Variants in FAM20C observed in about 807,000 individuals in gnomAD.
The protein encoded by FAM20C is FAM20C golgi associated secretory pathway kinase, also known as extracellular serine/threonine protein kinase FAM20C.
FAM20C carries 40 observed loss-of-function variants against 51.5 expected under a neutral mutation model. The observed-to-expected ratio is 0.78, with a 90% CI of 0.60 to 1.01. FAM20C has a LOEUF of 1.01. Ranked by LOEUF, FAM20C falls within the 50% of genes least tolerant of loss-of-function variation. The pLI is 0.00. For synonymous variants in FAM20C, 406 were observed against 380.6 expected (o/e 1.07, Z -0.78); for missense variants, 861 against 844.7 (o/e 1.02, Z -0.24).
chr7:210,228 G>T (rs1278724207), intron 3 of FAM20C, among the ~76,000 whole-genome samples: 2 of 142,330 alleles, frequency 1.4e-5, no homozygotes, highest in Non-Finnish European at 3.1e-5. Flanking sequence ...GCCCTGCGGG[G>T]GGCCTGAGAT....
Position 248,697 on chromosome 7 carries a change from G to A in FAM20C, c.1072+267G>A, listed in dbSNP as rs530250375. Among the ~76,000 whole-genome samples the A allele has an allele frequency of 4.6e-3, 659 of 141,854 alleles. 2 individuals are homozygous for A. Among genetic ancestry groups the A allele is most frequent in the African/African-American group, 0.017 (620 of 36,726 alleles). 93.1% of individuals were successfully genotyped at this position (141,854 alleles called of 152,430 possible). A position where few individuals can be genotyped will look rare whatever the true frequency, so the allele number is the denominator to read the frequency against. ...TTCACCTCTCCAGGTAGCCTGGCACGGGGGCCCGCATTCATCTCTCCAGGT... is the reference window on the plus strand; with the variant it reads ...TTCACCTCTCCAGGTAGCCTGGCACAGGGGCCCGCATTCATCTCTCCAGGT... On this transcript the variant is annotated intron_variant, in intron 5 of 9. Transcript: ENST00000313766.
chr7:193,336 G>A lies in FAM20C; in HGVS notation c.137G>A (p.Cys46Tyr). The change falls in exon 1 of 10, where the codon TGT becomes TAT. Residue 46 changes from cysteine (C) to tyrosine (Y), a missense_variant. By Grantham distance (194) the Cys-to-Tyr change is radical. Coordinates refer to ENST00000313766, the MANE Select transcript of FAM20C (RefSeq NM_020223.4). ...RGARPSGEPG[C>Y]SCAQPAAEVA... ...GCGCGGCCCTCGGGGGAGCCCGGCT[G>A]TTCGTGCGCGCAGCCCGCCGCCGAG... The A allele has an allele frequency of 7.5e-7, 1 of 1,334,766 alleles. No individual in the cohort carries two copies. Among genetic ancestry groups the A allele is most frequent in the Non-Finnish European group, 9.7e-7 (1 of 1,036,012 alleles). The allele number at this position is 1,334,766 out of a possible 1,614,324, so 82.7% of individuals were successfully genotyped here.
intron 2 of FAM20C, among the ~76,000 whole-genome samples, chr7:204,843 G>A (rs1448125131): frequency 6.6e-6 from 1 of 152,144 alleles, no homozygotes; most frequent in Non-Finnish European, 1.5e-5. Flanking sequence ...TGTTCTCAGT[G>A]TTCAGGGAGG....
intron 5 of FAM20C, among the ~76,000 whole-genome samples, chr7:253,438 G>C (rs1009398754): frequency 2.0e-5 from 3 of 152,122 alleles, no homozygotes; most frequent in Non-Finnish European, 4.4e-5. Flanking sequence ...CTGGTGACTG[G>C]AGGAGGCAGG....
At position 193,315 on chromosome 7, in the gene FAM20C, G is replaced by T; in HGVS notation, c.116G>T (p.Arg39Leu). ...CCCAGGCTGGAGCGACGCGGCGCGC[G>T]GCCCTCGGGGGAGCCCGGCTGTTCG... ...LLPRLERRGA[R>L]PSGEPGCSCA... The change falls in exon 1 of 10, where the codon CGG (arginine) becomes CTG (leucine). Residue 39 changes from arginine (R) to leucine (L), a missense_variant. Coordinates refer to ENST00000313766, the MANE Select transcript of FAM20C (RefSeq NM_020223.4). 2 of 1,390,282 alleles carry T rather than the reference G, an allele frequency of 1.4e-6. No individual in the cohort carries two copies. The highest frequency in any genetic ancestry group is 1.9e-6 in the Non-Finnish European group (2 of 1,063,522). The allele number at this position is 1,390,282 out of a possible 1,614,324, so 86.1% of individuals were successfully genotyped here.
At chr7:251,861 C>A (rs1360442288) in intron 5 of FAM20C, among the ~76,000 whole-genome samples, 1 of 152,186 alleles carries the variant, frequency 6.6e-6, no homozygotes, top group African/African-American at 2.4e-5. Flanking sequence ...CCCAACAGTT[C>A]CATGTCCCTG....
At chr7:196,671 C>T (rs1001513629) in intron 2 of FAM20C, among the ~76,000 whole-genome samples, 10 of 152,308 alleles carry the variant, frequency 6.6e-5, no homozygotes, top group African/African-American at 2.4e-4. Context: ...TGAAAGGGTC[C>T]CAGCAGCCTG....
intron 3 of FAM20C, among the ~76,000 whole-genome samples, chr7:223,318 G>C (rs547831199): frequency 6.6e-6 from 1 of 152,268 alleles, no homozygotes; most frequent in South Asian, 2.1e-4. Flanking sequence ...ACGGCGGGTG[G>C]GTGCTGAGTC....
intron 3 of FAM20C, among the ~76,000 whole-genome samples, chr7:231,727 G>A (rs551825132): frequency 4.6e-5 from 7 of 152,316 alleles, no homozygotes; most frequent in African/African-American, 7.2e-5. Flanking sequence ...TGGGCACCTG[G>A]CGGTGTGTGC....
In FAM20C at chr7:248,401, A is replaced by G. The variant is rs1788259334; in HGVS notation, c.1043A>G (p.Lys348Arg). The G allele has an allele frequency of 6.5e-7, 1 of 1,536,918 alleles. No homozygotes were observed. The highest frequency in any genetic ancestry group is 8.7e-7 in the Non-Finnish European group (1 of 1,146,780). ...KEIRDVTRDK[K>R]LWRTFFISPA... ...ATCCGGGACGTCACACGGGACAAGA[A>G]GCTCTGGAGGACCTTCTTCATCTCT... is the stretch of plus-strand genomic sequence containing the variant. The change falls in exon 5 of 10, where the codon AAG becomes AGG. Residue 348 changes from lysine (K) to arginine (R), a missense_variant. This residue lies in a region of FAM20C where 31 missense variants were observed against 61.1 expected (regional missense o/e 0.51). Transcript: ENST00000313766.
intron 3 of FAM20C, among the ~76,000 whole-genome samples, chr7:231,503 G>A (rs557319147): frequency 6.6e-6 from 1 of 151,572 alleles, no homozygotes; most frequent in Non-Finnish European, 1.5e-5. Context: ...GGCGTCGAGG[G>A]CCCCGTGGGA....
intron 4 of FAM20C, 47 bp from the exon 5 acceptor site, chr7:248,268 G>A (rs1209939668): frequency 7.1e-6 from 10 of 1,399,918 alleles, no homozygotes; most frequent in South Asian, 2.6e-5. Context: ...ACAGAGGCCC[G>A]CTGAGCCGCA....
intron 3 of FAM20C, among the ~76,000 whole-genome samples, chr7:210,099 C>G (rs1786638233): frequency 6.6e-6 from 1 of 152,218 alleles, no homozygotes; most frequent in Non-Finnish European, 1.5e-5. Context: ...CGGGGAGCAG[C>G]CGTTCACCAA....
Position 246,443 on chromosome 7 carries a change from G to T in FAM20C, c.892G>T (p.Asp298Tyr). 6.9e-7 allele frequency: 1 copy of T among 1,453,562 alleles called. No homozygotes were observed. The highest frequency in any genetic ancestry group is 9.0e-7 in the Non-Finnish European group (1 of 1,111,890). The allele number at this position is 1,453,562 out of a possible 1,614,324, so 90.0% of individuals were successfully genotyped here. A position where few individuals can be genotyped will look rare whatever the true frequency, so the allele number is the denominator to read the frequency against. Residue 298 changes from aspartate to tyrosine, a missense_variant, in exon 4 of 10, where the codon GAC becomes TAC. Around this residue, in one of 3 missense-constraint regions of FAM20C, gnomAD observed 561 missense variants for 499.8 expected, o/e 1.12. Transcript: ENST00000313766. ...KQTREQETPP[D>Y]FFYFSDYERH... Reference sequence around the variant, plus strand: ...AACGAGGGAGCAGGAGACACCCCCTGACTTTTTTTATTTCTCTGACTACGA... The same window carrying T: ...AACGAGGGAGCAGGAGACACCCCCTTACTTTTTTTATTTCTCTGACTACGA...
rs546812161 is a variant in FAM20C, at chr7:253,950, C to G, written c.1073-1899C>G. Among the ~76,000 whole-genome samples the G allele has an allele frequency of 3.3e-3, 509 of 152,358 alleles. 3 individuals carry two copies. The highest frequency in any genetic ancestry group is 0.012 in the African/African-American group (484 of 41,580). On this transcript the variant is annotated intron_variant, in intron 5 of 9. Transcript: ENST00000313766. ...GCTCCTGCCCCGGTGGGGGCTGCCT[C>G]GTCCGACTGTGGGCTGCCGACTAAT...
At chr7:231,069 G>A (rs1787654165) in intron 3 of FAM20C, among the ~76,000 whole-genome samples, 1 of 152,132 alleles carries the variant, frequency 6.6e-6, no homozygotes, top group South Asian at 2.1e-4. Context: ...GGAAGACACA[G>A]GCCAGGGTGG....
intron 3 of FAM20C, among the ~76,000 whole-genome samples, chr7:214,946 A>C (rs1322572665): frequency 2.0e-5 from 3 of 152,112 alleles, no homozygotes; most frequent in Admixed American, 2.0e-4. Flanking sequence ...GCCTCCCGCC[A>C]GGCACTGGGA....
At chr7:220,506 C>T (rs549780148) in intron 3 of FAM20C, among the ~76,000 whole-genome samples, 1 of 152,328 alleles carries the variant, frequency 6.6e-6, no homozygotes, top group Non-Finnish European at 1.5e-5. Flanking sequence ...CAGAGACGGG[C>T]TTGGTGAAGG....
chr7:226,205 C>T (rs963092081), intron 3 of FAM20C, among the ~76,000 whole-genome samples: 5 of 152,142 alleles, frequency 3.3e-5, no homozygotes, highest in Non-Finnish European at 7.3e-5. Flanking sequence ...CACTGCAGGC[C>T]GCCCTCTTGG....
Sources: allele counts gnomAD v4.1 joint callset (sites outside exome capture counted in the v4.1 genomes callset), GRCh38; gene constraint gnomAD v4.1.1; regional missense constraint gnomAD v4.1.1; transcripts MANE v1.5; gene names NCBI Gene and HGNC (gene_info 2026-07-23, HGNC 2026-07-21).